The following ANXA8 variants were observed in gnomAD, a reference collection of about 807,000 sequenced individuals.
ANXA8 encodes annexin A8.
A neutral mutation model predicts 26.8 loss-of-function variants in ANXA8; 9 were observed. The observed-to-expected ratio is 0.34, with a 90% confidence interval of 0.20 to 0.59. The LOEUF (loss-of-function observed/expected upper bound fraction) is 0.59. Among genes scored for constraint, ANXA8 ranks in the 20% least tolerant of loss-of-function variants. ANXA8 has a pLI of 0.84. For synonymous variants in ANXA8, 39 were observed against 94.8 expected (o/e 0.41, Z 3.42); for missense variants, 83 against 238.5 (o/e 0.35, Z 4.29).
At chr10:47,940,611 T>C in the ANXA8 span, among the ~76,000 whole-genome samples, 3 of 147,464 alleles carry the variant, frequency 2.0e-5, no homozygotes, top group African/African-American at 7.8e-5. Flanking sequence ...GGGTGGATCA[T>C]GAGGTCAGGA....
chr10:47,646,029 C>T, the ANXA8 span, among the ~76,000 whole-genome samples: 1 of 149,122 alleles, frequency 6.7e-6, no homozygotes, highest in African/African-American at 2.6e-5. Flanking sequence ...GAATTATCTT[C>T]TTCTAGCTAT....
At chr10:47,624,242 C>CAAAAA in the ANXA8 span, among the ~76,000 whole-genome samples, 11 of 29,144 alleles carry the variant, frequency 3.8e-4, no homozygotes, top group African/African-American at 8.5e-4. Flanking sequence ...GACTCCATCT[C>CAAAAA]AAAAAAAAAA....
the ANXA8 span, among the ~76,000 whole-genome samples, chr10:47,737,142 CT>C: frequency 6.8e-6 from 1 of 146,330 alleles, no homozygotes; most frequent in Non-Finnish European, 1.5e-5. Flanking sequence ...TTTTCCCAAG[CT>C]TGTTATATAT....
chr10:47,948,760 G>T, the ANXA8 span, among the ~76,000 whole-genome samples: 1 of 150,996 alleles, frequency 6.6e-6, no homozygotes, highest in Non-Finnish European at 1.5e-5. Flanking sequence ...CATCCATGAT[G>T]CTCAATAGAT....
At chr10:47,691,623 GT>G in the ANXA8 span, among the ~76,000 whole-genome samples, 1 of 150,392 alleles carries the variant, frequency 6.6e-6, no homozygotes, top group Non-Finnish European at 1.5e-5. Flanking sequence ...AATAAATTAA[GT>G]TTTGCGTGCC....
At chr10:47,944,272 C>T in the ANXA8 span, among the ~76,000 whole-genome samples, 1 of 147,272 alleles carries the variant, frequency 6.8e-6, no homozygotes, top group Non-Finnish European at 1.5e-5. Context: ...CTGCACAACC[C>T]AGCCTCCTAA....
the ANXA8 span, among the ~76,000 whole-genome samples, chr10:47,659,263 T>C: frequency 6.6e-6 from 1 of 151,976 alleles, no homozygotes; most frequent in African/African-American, 2.4e-5. Context: ...ACTGCATTTT[T>C]CAGTAATATT....
At chr10:47,501,942 T>C in the ANXA8 span, 163 of 1,180,702 alleles carry the variant, frequency 1.4e-4, no homozygotes, top group Admixed American at 2.8e-4. Context: ...TTTGTGTATT[T>C]ACTTAGTTTA....
At chr10:47,778,782 G>C in the ANXA8 span, among the ~76,000 whole-genome samples, 1 of 151,706 alleles carries the variant, frequency 6.6e-6, no homozygotes, top group African/African-American at 2.4e-5. Flanking sequence ...GGCAAGCACT[G>C]TACAGCATAA....
the ANXA8 span, among the ~76,000 whole-genome samples, chr10:47,891,392 TATAGGATCC>T: frequency 6.7e-6 from 1 of 149,214 alleles, no homozygotes; most frequent in Non-Finnish European, 1.5e-5. Context: ...TATGAAATTT[TATAGGATCC>T]ATATTAAAAT....
chr10:47,717,896 G>C, the ANXA8 span, among the ~76,000 whole-genome samples: 1 of 151,724 alleles, frequency 6.6e-6, no homozygotes, highest in Non-Finnish European at 1.5e-5. Flanking sequence ...TACTTGGGAG[G>C]CTGAGGCAGG....
chr10:47,560,695 A>G, the ANXA8 span, among the ~76,000 whole-genome samples: 1 of 152,050 alleles, frequency 6.6e-6, no homozygotes, highest in Admixed American at 6.5e-5. Context: ...CGGATGGTGC[A>G]GGCTGGGTCA....
At chr10:47,952,618 ATT>A in the ANXA8 span, among the ~76,000 whole-genome samples, 1 of 146,866 alleles carries the variant, frequency 6.8e-6, no homozygotes, top group Admixed American at 6.7e-5. Context: ...AGCTCTCCTG[ATT>A]TTTGGTTGAA....
chr10:47,920,629 T>C, the ANXA8 span: 6 of 126,856 alleles, frequency 4.7e-5, no homozygotes, highest in Admixed American at 5.1e-4. Flanking sequence ...ATGGCCATGA[T>C]ATGAGACTTA....
the ANXA8 span, among the ~76,000 whole-genome samples, chr10:47,698,107 G>A: frequency 1.3e-5 from 2 of 151,392 alleles, no homozygotes; most frequent in African/African-American, 4.9e-5. Flanking sequence ...ACTGCTACTG[G>A]ATTACTGGTT....
the ANXA8 span, among the ~76,000 whole-genome samples, chr10:47,735,756 C>T: frequency 5.9e-5 from 9 of 151,680 alleles, no homozygotes; most frequent in Non-Finnish European, 1.3e-4. Flanking sequence ...CCTCCTGCCT[C>T]AGCCTCCTAT....
the ANXA8 span, among the ~76,000 whole-genome samples, chr10:47,941,789 C>T: frequency 2.0e-3 from 300 of 148,130 alleles, 49 homozygotes; most frequent in African/African-American, 7.4e-3. Context: ...ACACCACCTA[C>T]TATGGGCCAG....
At chr10:47,675,629 T>G in the ANXA8 span, among the ~76,000 whole-genome samples, 2 of 151,636 alleles carry the variant, frequency 1.3e-5, 1 homozygote, top group Non-Finnish European at 2.9e-5. Flanking sequence ...ACAGAAAAAT[T>G]GTCATGTCTT....
the ANXA8 span, chr10:47,551,760 A>C: frequency 2.8e-5 from 9 of 327,104 alleles, no homozygotes; most frequent in Middle Eastern, 5.5e-4. Flanking sequence ...AAGGATCGAG[A>C]CATCCACACA....
Sources: gnomAD v4.1 joint callset for allele counts (sites outside exome capture counted in the v4.1 genomes callset) on GRCh38, gnomAD v4.1.1 for gene constraint, MANE v1.5 for transcripts, NCBI Gene and HGNC (gene_info 2026-07-23, HGNC 2026-07-21) for gene names.